Variants in CCSER1 observed in about 807,000 individuals in gnomAD.
The protein encoded by CCSER1 is coiled-coil serine rich protein 1, also known as serine-rich coiled-coil domain-containing protein 1.
CCSER1 carries 41 observed loss-of-function variants against 82.0 expected under a neutral mutation model. The ratio of observed to expected loss-of-function variants is 0.50; its 90% CI spans 0.39 to 0.65. The LOEUF (loss-of-function observed/expected upper bound fraction) is 0.65, where lower values mean the gene tolerates loss of function less well. Among genes scored for constraint, CCSER1 ranks in the 30% least tolerant of loss-of-function variants. The probability of loss-of-function intolerance (pLI) is 0.00; values close to 1 mark genes in which losing one functional copy is unlikely to be tolerated. For synonymous variants in CCSER1, 414 were observed against 383.9 expected (o/e 1.08, Z -0.92); for missense variants, 1,119 against 1,064.2 (o/e 1.05, Z -0.72).
intron 9 of CCSER1, among the ~76,000 whole-genome samples, chr4:91,013,939 T>TTTG (rs1219356561): frequency 1.2e-4 from 16 of 132,000 alleles, no homozygotes; most frequent in African/African-American, 3.2e-4. Flanking sequence ...TGTTTTTGTT[T>TTTG]TTGTTGTTGT....
chr4:90,687,996 G>C (rs1402294909), intron 6 of CCSER1, among the ~76,000 whole-genome samples: 1 of 152,108 alleles, frequency 6.6e-6, no homozygotes, highest in East Asian at 1.9e-4. Context: ...GTTCTGTACA[G>C]AAACCAGAAA....
intron 10 of CCSER1, among the ~76,000 whole-genome samples, chr4:91,197,629 A>T (rs1362128640): frequency 6.6e-6 from 1 of 152,204 alleles, no homozygotes; most frequent in Non-Finnish European, 1.5e-5. Flanking sequence ...ATAAGATGTT[A>T]CTGCTTAATC....
At chr4:91,511,233 A>G (rs573855226) in intron 10 of CCSER1, among the ~76,000 whole-genome samples, 1 of 152,204 alleles carries the variant, frequency 6.6e-6, no homozygotes, top group African/African-American at 2.4e-5. Context: ...GTAGCTTTAT[A>G]GTATAGTCTA....
chr4:91,034,249 G>A (rs1741239651), intron 9 of CCSER1, among the ~76,000 whole-genome samples: 1 of 152,156 alleles, frequency 6.6e-6, no homozygotes, highest in Admixed American at 6.5e-5. Flanking sequence ...CTAGCCTTAA[G>A]TCCTATGACT....
chr4:90,363,470 G>A (rs78043951), intron 3 of CCSER1, among the ~76,000 whole-genome samples: 3,374 of 152,082 alleles, frequency 0.022, 54 homozygotes, highest in Non-Finnish European at 0.038. Context: ...GATCTGTTGG[G>A]GGGTTCTCTT....
chr4:91,524,197 C>T (rs1760656033), intron 10 of CCSER1, among the ~76,000 whole-genome samples: 1 of 152,164 alleles, frequency 6.6e-6, no homozygotes, highest in African/African-American at 2.4e-5. Context: ...TGAAGGATAT[C>T]ACTTTAGAAA....
At chr4:90,447,125 G>A (rs1365393545) in intron 4 of CCSER1, among the ~76,000 whole-genome samples, 4 of 152,134 alleles carry the variant, frequency 2.6e-5, no homozygotes, top group African/African-American at 7.2e-5. Flanking sequence ...AAAACTGCAC[G>A]TTGTCCAAGA....
At chr4:90,314,870 A>AGAGTCTCGCTCTGTCTCCT (rs1561012619) in intron 3 of CCSER1, among the ~76,000 whole-genome samples, 2 of 107,480 alleles carry the variant, frequency 1.9e-5, no homozygotes, top group Non-Finnish European at 3.5e-5. Context: ...TTTTTGAGAC[A>AGAGTCTCGCTCTGTCTCCT]GAGTCTCGCT....
chr4:90,269,834 A>T (rs72879709), intron 1 of CCSER1, among the ~76,000 whole-genome samples: 7,361 of 152,076 alleles, frequency 0.048, 471 homozygotes, highest in African/African-American at 0.15. Flanking sequence ...GAGATGAAAA[A>T]GGGGACATTA....
intron 10 of CCSER1, among the ~76,000 whole-genome samples, chr4:91,242,972 T>C (rs1047213032): frequency 4.6e-5 from 7 of 152,164 alleles, no homozygotes; most frequent in Non-Finnish European, 8.8e-5. Context: ...TCACAGTACC[T>C]GATTTTAACT....
chr4:90,482,262 T>C (rs1363626659), intron 5 of CCSER1, among the ~76,000 whole-genome samples: 2 of 152,118 alleles, frequency 1.3e-5, no homozygotes, highest in Non-Finnish European at 2.9e-5. Flanking sequence ...TCTTCTCTCA[T>C]TTCTTCTTTA....
chr4:91,591,049 CATTT>C (rs1764240738), intron 10 of CCSER1, among the ~76,000 whole-genome samples: 1 of 152,040 alleles, frequency 6.6e-6, no homozygotes, highest in Non-Finnish European at 1.5e-5. Flanking sequence ...CCCTTGGGGA[CATTT>C]GGCAATGTAT....
In CCSER1 at chr4:90,658,466, C is replaced by A. The variant is rs906706684; in HGVS notation, c.1932+30234C>A. ...TGGGAGACCTGAATTCCAATGTCTT[C>A]TTCTCAACTCAGTTACACTAGTGAC... On this transcript the variant is annotated intron_variant, in intron 6 of 10. Coordinates refer to ENST00000509176, the MANE Select transcript of CCSER1 (RefSeq NM_001145065.2). Among the ~76,000 whole-genome samples, 10 of 152,138 alleles carry A rather than the reference C, an allele frequency of 6.6e-5. No homozygotes were observed. In the South Asian group the frequency reaches 1.0e-3, roughly 16 times the overall value.
chr4:90,351,943 T>C (rs751900583), intron 3 of CCSER1, among the ~76,000 whole-genome samples: 2 of 152,240 alleles, frequency 1.3e-5, no homozygotes, highest in East Asian at 1.9e-4. Flanking sequence ...AGAAAAACTC[T>C]ATAATTGTTT....
rs550529078 is a variant in CCSER1, at chr4:90,220,436, A to G, written c.-41-87808A>G. On this transcript the variant is annotated intron_variant, in intron 1 of 10. Transcript: ENST00000509176. ...GCCTATGTGATTTTTTCCCCTGCAC[A>G]TGAATATATATTTCTTTTTGATTTG... Among the ~76,000 whole-genome samples, 5 of 151,774 alleles carry G rather than the reference A, an allele frequency of 3.3e-5. No homozygotes were observed. The East Asian group carries it at 7.7e-4, about 24-fold the overall frequency.
chr4:90,435,291 TA>T (rs1322412632), intron 4 of CCSER1, among the ~76,000 whole-genome samples: 2 of 152,268 alleles, frequency 1.3e-5, no homozygotes, highest in Non-Finnish European at 2.9e-5. Context: ...ATAAAGATGT[TA>T]AAAATATTTG....
At chr4:90,992,121 A>G (rs1022666152) in intron 9 of CCSER1, among the ~76,000 whole-genome samples, 2 of 152,064 alleles carry the variant, frequency 1.3e-5, no homozygotes, top group African/African-American at 4.8e-5. Context: ...GTAAATTATT[A>G]CAAAAGCAAT....
At chr4:91,105,299 A>G (rs1256401793) in intron 10 of CCSER1, among the ~76,000 whole-genome samples, 1 of 151,986 alleles carries the variant, frequency 6.6e-6, no homozygotes, top group Non-Finnish European at 1.5e-5. Flanking sequence ...TGTTTCCCTC[A>G]AAAAAAGGGC....
intron 5 of CCSER1, among the ~76,000 whole-genome samples, chr4:90,598,348 C>T (rs1783605517): frequency 1.3e-5 from 2 of 152,004 alleles, no homozygotes; most frequent in Admixed American, 1.3e-4. Flanking sequence ...ATACATGTGC[C>T]ATGTTGGTGT....
Sources: gnomAD v4.1 joint callset for allele counts (sites outside exome capture counted in the v4.1 genomes callset) on GRCh38, gnomAD v4.1.1 for gene constraint, MANE v1.5 for transcripts, NCBI Gene and HGNC (gene_info 2026-07-23, HGNC 2026-07-21) for gene names.